B3GALT5: variants seen among roughly 807,000 people sequenced by gnomAD.
B3GALT5 encodes the protein UDP-Gal:betaGlcNAc beta 1,3-galactosyltransferase, polypeptide 5.
For synonymous variants in B3GALT5, 156 were observed against 158.6 expected, an observed-to-expected ratio of 0.98 and a Z score of 0.12; for missense variants, 328 against 396.6, an observed-to-expected ratio of 0.83 and a Z score of 1.47.
At position 39,627,705 on chromosome 21, in the gene B3GALT5, T is replaced by C. The variant is rs184443996; in HGVS notation, c.-392+14638T>C. The stretch of plus-strand genomic sequence containing the variant: ...CTCTCTCTACCTTTTATTTATTCAT[T>C]TATTACTTATGTATGTTTGTTTATT... On this transcript the variant is annotated intron_variant, in intron 1 of 3. Transcript: ENST00000684187. Among the ~76,000 whole-genome samples the C allele has an allele frequency of 5.4e-4, 82 of 152,336 alleles. 1 individual carries two copies. The East Asian group carries it at 0.011, about 21-fold the overall frequency.
In B3GALT5 at chr21:39,661,530, A is replaced by G; in HGVS notation, c.*38A>G. ...GGCACATCCGGACAAGTTTCAGATA[A>G]CCCGTGGGGATAGTTTTTGCTAGAT... is the stretch of plus-strand genomic sequence containing the variant. On this transcript the variant is annotated 3_prime_UTR_variant, in exon 4 of 4. Coordinates refer to ENST00000684187, the MANE Select transcript of B3GALT5 (RefSeq NM_001356336.2). The surrounding 1 kb of genome is among the most constrained non-coding windows in gnomAD (Gnocchi z 4.7). 1 of 1,470,544 alleles carries G rather than the reference A, an allele frequency of 6.8e-7. No homozygotes were observed. The highest frequency in any genetic ancestry group is 9.0e-7 in the Non-Finnish European group (1 of 1,109,522). The allele number at this position is 1,470,544 out of a possible 1,614,324, so 91.1% of individuals were successfully genotyped here. A position where few individuals can be genotyped will look rare whatever the true frequency, so the allele number is the denominator to read the frequency against.
At position 39,659,864 on chromosome 21, in the gene B3GALT5, C is replaced by T; in HGVS notation, c.-49C>T. The T allele has an allele frequency of 8.1e-6, 8 of 985,194 alleles. No homozygotes were observed. The highest frequency in any genetic ancestry group is 9.6e-6 in the Non-Finnish European group (8 of 829,890). The allele number at this position is 985,194 out of a possible 1,614,324, so 61.0% of individuals were successfully genotyped here. A position where few individuals can be genotyped will look rare whatever the true frequency, so the allele number is the denominator to read the frequency against. ...GAGACAAATTTCCTCTTGGCATTTA[C>T]ACTGTGGCTTTAGCTTTCAAACCAG... On this transcript the variant is annotated 5_prime_UTR_variant, in exon 3 of 4. Transcript: ENST00000684187.
chr21:39,658,861 A>G (rs1251131939), intron 2 of B3GALT5, among the ~76,000 whole-genome samples: 2 of 67,646 alleles, frequency 3.0e-5, no homozygotes, highest in Non-Finnish European at 8.2e-5. Context: ...AGAAAGCTCC[A>G]TTATTATATT....
Position 39,662,722 on chromosome 21 carries a change from C to G in B3GALT5, c.*1230C>G, listed in dbSNP as rs543651126. 11 of 167,552 alleles carry G rather than the reference C, an allele frequency of 6.6e-5. No individual in the cohort carries two copies. The highest frequency in any genetic ancestry group is 2.6e-4 in the African/African-American group (11 of 41,570). 10.4% of individuals were successfully genotyped at this position (167,552 alleles called of 1,614,324 possible). A position where few individuals can be genotyped will look rare whatever the true frequency, so the allele number is the denominator to read the frequency against. On this transcript the variant is annotated 3_prime_UTR_variant, in exon 4 of 4. Transcript: ENST00000684187. ...AGGGTTGTATAAAACCAAGGTACTT[C>G]GTTAGTTTTGCCCATTCAGCCATGG... is the stretch of plus-strand genomic sequence containing the variant.
chr21:39,643,651 A>G (rs1569214237), intron 1 of B3GALT5, among the ~76,000 whole-genome samples: 3 of 152,226 alleles, frequency 2.0e-5, no homozygotes, highest in Non-Finnish European at 4.4e-5. Flanking sequence ...CTCTGTCAGC[A>G]TCTTCCTTCC....
rs1033715207 is a variant in B3GALT5, at chr21:39,670,939, T to C, written c.*9447T>C. The stretch of plus-strand genomic sequence containing the variant: ...TTTGTTTTGTGTTGCTGTAACAGAA[T>C]ACCACAGACTGGGCGATTTATAGAC... On this transcript the variant is annotated 3_prime_UTR_variant, in exon 4 of 4. Transcript: ENST00000684187. 1.3e-5 allele frequency: 2 copies of C among 152,236 alleles called. No individual in the cohort carries two copies. Among genetic ancestry groups the C allele is most frequent in the Non-Finnish European group, 2.9e-5 (2 of 68,040 alleles). The allele number at this position is 152,236 out of a possible 1,614,324, so 9.4% of individuals were successfully genotyped here.
At chr21:39,645,992 A>G (rs1436645171) in intron 1 of B3GALT5, among the ~76,000 whole-genome samples, 1 of 150,548 alleles carries the variant, frequency 6.6e-6, no homozygotes, top group Non-Finnish European at 1.5e-5. Context: ...TCTCGGATGC[A>G]TTTATTCTCT....
chr21:39,660,863 A>G lies in B3GALT5; in HGVS notation c.304A>G (p.Ser102Gly). ...KTFFLLGTTS[S>G]AAETKEVDQE... The stretch of plus-strand genomic sequence containing the variant: ...ATTCTTCCTCCTGGGGACCACCAGC[A>G]GTGCAGCGGAAACGAAAGAGGTGGA... Residue 102 changes from serine to glycine, a missense_variant, in exon 4 of 4, where the codon AGT becomes GGT. By Grantham distance (56) the Ser-to-Gly change is moderately conservative. Transcript: ENST00000684187. 1 of 1,612,296 alleles carries G rather than the reference A, an allele frequency of 6.2e-7. No individual in the cohort carries two copies. Among genetic ancestry groups the G allele is most frequent in the Non-Finnish European group, 8.5e-7 (1 of 1,179,128 alleles).
rs907640712 is a variant in B3GALT5 at position 39,666,431 on chromosome 21, G to A, written c.*4939G>A. ...GTGCCTCAGCCTCCCGAGTAGCTAG[G>A]ATTATAGGCATGCACCACCAACCAG... On this transcript the variant is annotated 3_prime_UTR_variant, in exon 4 of 4. Transcript: ENST00000684187. The A allele has an allele frequency of 1.3e-5, 2 of 152,290 alleles. No individual in the cohort carries two copies. The highest frequency in any genetic ancestry group is 4.8e-5 in the African/African-American group (2 of 41,438). The allele number at this position is 152,290 out of a possible 1,614,324, so 9.4% of individuals were successfully genotyped here.
In B3GALT5 at chr21:39,661,465, C is replaced by G. The variant is rs771597548; in HGVS notation, c.906C>G (p.Ser302=). The change falls in exon 4 of 4, where the codon TCC becomes TCG. Residue 302 remains serine (S), a synonymous_variant. Transcript: ENST00000684187. This position sits in a 1 kb window ranked among gnomAD's most constrained non-coding sequence, Gnocchi z 4.7. ...ACTACTGGCAGGCTCTAGAGAATTC[C>G]CGGGGGGAAGATTGTCCGCCTGTCT... The part of the protein sequence containing the change: ...LLDYWQALEN[S]RGEDCPPV 6.6e-7 allele frequency: 1 copy of G among 1,510,642 alleles called. No individual in the cohort carries two copies. 93.6% of individuals were successfully genotyped at this position (1,510,642 alleles called of 1,614,324 possible). A position where few individuals can be genotyped will look rare whatever the true frequency, so the allele number is the denominator to read the frequency against.
At chr21:39,660,511 C>T (rs760113221) in intron 3 of B3GALT5, 49 bp from the exon 4 acceptor site, 2 of 1,365,998 alleles carry the variant, frequency 1.5e-6, no homozygotes, top group Non-Finnish European at 1.9e-6. Context: ...TAAAACTAGA[C>T]ACATCCTCAT....
chr21:39,636,269 C>T (rs1349880035), intron 1 of B3GALT5, among the ~76,000 whole-genome samples: 2 of 152,162 alleles, frequency 1.3e-5, no homozygotes, highest in Non-Finnish European at 1.5e-5. Context: ...ATACTAACTT[C>T]CTCAAGAAAT....
chr21:39,660,051 G>A, intron 3 of B3GALT5, 139 bp downstream of exon 3: 3 of 479,774 alleles, frequency 6.3e-6, no homozygotes, highest in Non-Finnish European at 8.1e-6. Flanking sequence ...AAATAATTCT[G>A]GCAGAGACAG....
intron 2 of B3GALT5, among the ~76,000 whole-genome samples, chr21:39,649,425 C>G (rs1318476319): frequency 6.6e-6 from 1 of 152,240 alleles, no homozygotes. Context: ...CCAGGTCTCC[C>G]TGAATATCCA....
chr21:39,661,210 C>T lies in B3GALT5; in HGVS notation c.651C>T (p.Thr217=), dbSNP rs560831388. The change falls in exon 4 of 4, where the codon ACC becomes ACT. Residue 217 remains threonine, a synonymous_variant. Transcript: ENST00000684187. This position sits in a 1 kb window ranked among gnomAD's most constrained non-coding sequence, Gnocchi z 4.7. Reference sequence around the variant, plus strand: ...GGTACCCACCATTCTGCTCCGGCACCGGCTACGTGTTTTCTGGCGACGTGG... The same window carrying T: ...GGTACCCACCATTCTGCTCCGGCACTGGCTACGTGTTTTCTGGCGACGTGG... ...WDRYPPFCSG[T]GYVFSGDVAS... The T allele has an allele frequency of 1.1e-4, 173 of 1,614,146 alleles. 2 individuals are homozygous for T. The South Asian group carries it at 1.4e-3, about 13-fold the overall frequency.
At chr21:39,650,592 G>C (rs1161743924) in intron 2 of B3GALT5, among the ~76,000 whole-genome samples, 3 of 152,112 alleles carry the variant, frequency 2.0e-5, no homozygotes, top group Non-Finnish European at 4.4e-5. Flanking sequence ...TCAACCAAGG[G>C]GACGCCACAA....
chr21:39,659,660 G>C (rs2079489605), intron 2 of B3GALT5, 93 bp from the exon 3 acceptor site: 1 of 712,520 alleles, frequency 1.4e-6, no homozygotes, highest in Non-Finnish European at 1.7e-6. Flanking sequence ...ACATAAGTAG[G>C]TTGGAAGGTG....
intron 1 of B3GALT5, among the ~76,000 whole-genome samples, chr21:39,639,306 C>CTT (rs1299781033): frequency 2.3e-5 from 2 of 85,638 alleles, no homozygotes; most frequent in Non-Finnish European, 4.7e-5. Flanking sequence ...TTCTTTCTTT[C>CTT]TTTCTTTCTT....
intron 1 of B3GALT5, chr21:39,630,139 T>C (rs1270554514): frequency 6.6e-6 from 1 of 152,202 alleles, no homozygotes; most frequent in African/African-American, 2.4e-5. Context: ...AAAACTGACA[T>C]GTTTTAAATG....
Sources: allele counts gnomAD v4.1 joint callset (sites outside exome capture counted in the v4.1 genomes callset), GRCh38; gene constraint gnomAD v4.1.1; non-coding constraint Gnocchi (gnomAD v3.1); transcripts MANE v1.5; gene names NCBI Gene and HGNC (gene_info 2026-07-23, HGNC 2026-07-21).